The following LTBP1 variants were observed in gnomAD, a reference collection of about 807,000 sequenced individuals.
LTBP1 encodes latent-transforming growth factor beta-binding protein 1.
LTBP1 carries 129 observed loss-of-function variants against 207.6 expected under a neutral mutation model. The ratio of observed to expected loss-of-function variants is 0.62; its 90% CI spans 0.54 to 0.72. The LOEUF is 0.72. Ranked by LOEUF, LTBP1 falls within the 30% of genes least tolerant of loss-of-function variation. The pLI is 0.00. For synonymous variants in LTBP1, 963 were observed against 833.7 expected, an observed-to-expected ratio of 1.16 and a Z score of -2.67; for missense variants, 2,281 against 2,217.2, an observed-to-expected ratio of 1.03 and a Z score of -0.58.
chr2:33,207,393 G>T (rs1474181707), intron 7 of LTBP1, among the ~76,000 whole-genome samples: 1 of 152,074 alleles, frequency 6.6e-6, no homozygotes, highest in Non-Finnish European at 1.5e-5. Context: ...AGTCACAGTA[G>T]ATACTTTGTA....
chr2:33,304,622 C>A (rs1215966534), intron 22 of LTBP1, among the ~76,000 whole-genome samples: 1 of 152,200 alleles, frequency 6.6e-6, no homozygotes, highest in Non-Finnish European at 1.5e-5. Context: ...GAGTCTGGAG[C>A]ATCTCAGCTT....
intron 19 of LTBP1, among the ~76,000 whole-genome samples, chr2:33,289,108 A>G (rs758019040): frequency 7.4e-4 from 113 of 152,326 alleles, no homozygotes; most frequent in Non-Finnish European, 2.1e-4. Context: ...GGCATGGCAC[A>G]TCTAGTTTTC....
intron 3 of LTBP1, among the ~76,000 whole-genome samples, chr2:33,057,222 C>A (rs2077045734): frequency 6.7e-6 from 1 of 148,250 alleles, no homozygotes; most frequent in African/African-American, 2.4e-5. Flanking sequence ...ATCCACAAAT[C>A]CTGAGCTAGA....
chr2:32,991,430 T>C (rs1684398737), intron 2 of LTBP1, among the ~76,000 whole-genome samples: 2 of 152,234 alleles, frequency 1.3e-5, no homozygotes, highest in African/African-American at 4.8e-5. Context: ...GTCTGAACTA[T>C]CTAAATATAA....
chr2:33,082,025 T>C (rs2078441547), intron 3 of LTBP1, among the ~76,000 whole-genome samples: 1 of 152,184 alleles, frequency 6.6e-6, no homozygotes, highest in South Asian at 2.1e-4. Context: ...TATGTCTGTA[T>C]TAGCAGCATG....
intron 18 of LTBP1, among the ~76,000 whole-genome samples, chr2:33,278,313 T>C (rs1424966305): frequency 6.6e-6 from 1 of 152,184 alleles, no homozygotes; most frequent in Non-Finnish European, 1.5e-5. Flanking sequence ...TGACTAGCGT[T>C]CCCTCAGTAA....
intron 31 of LTBP1, among the ~76,000 whole-genome samples, chr2:33,387,748 T>TG (rs397984260): frequency 6.6e-6 from 1 of 151,694 alleles, no homozygotes; most frequent in African/African-American, 2.4e-5. Context: ...TTTTTTTTTT[T>TG]GTATGTTGCA....
At chr2:33,280,296 T>G in intron 19 of LTBP1, 138 bp downstream of exon 19, 5 of 821,782 alleles carry the variant, frequency 6.1e-6, no homozygotes, top group Non-Finnish European at 8.7e-6. Context: ...AAGTTCCCAG[T>G]AACTTTTAAC....
chr2:33,282,741 G>C (rs1233624078), intron 19 of LTBP1, among the ~76,000 whole-genome samples: 1 of 152,112 alleles, frequency 6.6e-6, no homozygotes, highest in Non-Finnish European at 1.5e-5. Context: ...CCTTGTGCCA[G>C]GTATTTTTCC....
At chr2:33,190,911 C>T (rs17641115) in intron 7 of LTBP1, among the ~76,000 whole-genome samples, 84,803 of 151,960 alleles carry the variant, frequency 0.56, 23,855 homozygotes, top group Middle Eastern at 0.61. Context: ...GAACATCAGT[C>T]TAAATTTAGC....
chr2:33,188,726 C>T lies in LTBP1; in HGVS notation c.1576C>T (p.Leu526Phe), dbSNP rs946766309. The change falls in exon 7 of 34, where the codon CTT becomes TTT. Residue 526 changes from leucine (L) to phenylalanine (F), a missense_variant. Physicochemically the swap from Leu to Phe is conservative, Grantham distance 22. Coordinates refer to ENST00000404816, the MANE Select transcript of LTBP1 (RefSeq NM_206943.4). ...CCAATCCCAAGTCTCGTACCAAGGG[C>T]TTCCTGTCCAGAAGACCCAGACCAT... ...PGQSQVSYQG[L>F]PVQKTQTIHS... is the part of the protein sequence containing the mutation. The T allele has an allele frequency of 1.9e-6, 3 of 1,614,168 alleles. No individual in the cohort carries two copies. The highest frequency in any genetic ancestry group is 3.3e-5 in the Admixed American group (2 of 60,026).
chr2:33,058,480 A>G (rs2077114221), intron 3 of LTBP1, among the ~76,000 whole-genome samples: 1 of 152,186 alleles, frequency 6.6e-6, no homozygotes, highest in East Asian at 1.9e-4. Flanking sequence ...CACTGAATCA[A>G]AGAGTTGGGT....
intron 3 of LTBP1, among the ~76,000 whole-genome samples, chr2:33,045,457 G>A (rs1284892486): frequency 6.6e-6 from 1 of 152,142 alleles, no homozygotes; most frequent in African/African-American, 2.4e-5. Flanking sequence ...CTTTTGTTCT[G>A]TGCCATTGGT....
intron 2 of LTBP1, among the ~76,000 whole-genome samples, chr2:33,010,370 A>G (rs568482016): frequency 4.9e-4 from 75 of 152,316 alleles, no homozygotes; most frequent in African/African-American, 1.7e-3. Context: ...GGAAGAGTGC[A>G]TGGGTGTGTG....
intron 3 of LTBP1, among the ~76,000 whole-genome samples, chr2:33,086,812 G>A (rs950847012): frequency 2.0e-5 from 3 of 151,914 alleles, no homozygotes; most frequent in East Asian, 1.9e-4. Flanking sequence ...TCCTTGTCTC[G>A]TTGGGCCACC....
At chr2:32,989,162 T>G (rs1684038481) in intron 2 of LTBP1, among the ~76,000 whole-genome samples, 1 of 152,192 alleles carries the variant, frequency 6.6e-6, no homozygotes, top group Non-Finnish European at 1.5e-5. Flanking sequence ...GAAGACAATT[T>G]TAAAATAAGG....
chr2:32,960,536 T>C (rs1266417766), intron 2 of LTBP1, among the ~76,000 whole-genome samples: 1 of 152,226 alleles, frequency 6.6e-6, no homozygotes, highest in Non-Finnish European at 1.5e-5. Context: ...TTTTAGAATC[T>C]TTCTGCTCAA....
intron 26 of LTBP1, among the ~76,000 whole-genome samples, chr2:33,356,148 C>A (rs1039914461): frequency 6.6e-6 from 1 of 151,670 alleles, no homozygotes; most frequent in African/African-American, 2.4e-5. Flanking sequence ...AGATCCATCT[C>A]CCTGATGGAC....
At position 33,020,904 on chromosome 2, in the gene LTBP1, T is replaced by A; in HGVS notation, c.566-5T>A. ...AAAGCTGTGCCTTCTGTTTTCTTTC[T>A]GCAGCTAGCTGTGTTCCGCCATGTC... On this transcript the variant is annotated splice_region_variant and splice_polypyrimidine_tract_variant and intron_variant, in intron 2 of 33. Coordinates refer to ENST00000404816, the MANE Select transcript of LTBP1 (RefSeq NM_206943.4). The A allele has an allele frequency of 6.4e-7, 1 of 1,563,712 alleles. No homozygotes were observed. Among genetic ancestry groups the A allele is most frequent in the Non-Finnish European group, 8.7e-7 (1 of 1,149,760 alleles).
Sources: gnomAD v4.1 joint callset for allele counts (sites outside exome capture counted in the v4.1 genomes callset) on GRCh38, gnomAD v4.1.1 for gene constraint, MANE v1.5 for transcripts, NCBI Gene and HGNC (gene_info 2026-07-23, HGNC 2026-07-21) for gene names.